OPHN1: variants seen among roughly 807,000 people sequenced by gnomAD.
The protein encoded by OPHN1 is oligophrenin-1.
Under a neutral mutation model 60.7 loss-of-function variants are expected in OPHN1, and 11 were observed. The observed-to-expected ratio is 0.18, with a 90% CI of 0.11 to 0.30. OPHN1 has a LOEUF of 0.30. OPHN1 is among the 10% of genes least tolerant of loss of function. The probability of loss-of-function intolerance (pLI) is 1.00; values close to 1 mark genes in which losing one functional copy is unlikely to be tolerated. For missense variants in OPHN1, 449 were observed against 611.0 expected (o/e 0.73, Z 2.80); for synonymous variants, 226 against 222.6 (o/e 1.02, Z -0.14).
At chrX:68,142,823 G>A (rs1391752975) in intron 15 of OPHN1, among the ~76,000 whole-genome samples, 1 of 111,929 alleles carries the variant, frequency 8.9e-6, no homozygotes, top group Non-Finnish European at 1.9e-5. Flanking sequence ...AATCTATAAA[G>A]AATAAGTGGT....
chrX:68,415,744 G>T (rs2078790703), intron 2 of OPHN1, among the ~76,000 whole-genome samples: 1 of 111,168 alleles, frequency 9.0e-6, no homozygotes, highest in African/African-American at 3.3e-5. Flanking sequence ...GCTGGGTGTG[G>T]TGGCCCATGC....
intron 11 of OPHN1, among the ~76,000 whole-genome samples, chrX:68,198,701 A>T (rs1217057337): frequency 8.9e-6 from 1 of 111,786 alleles, no homozygotes; most frequent in Admixed American, 9.5e-5. Flanking sequence ...TGATAAAAGC[A>T]ATGCCAAGAG....
chrX:68,174,463 CTTA>C (rs1186470637), intron 15 of OPHN1, among the ~76,000 whole-genome samples: 5 of 79,246 alleles, frequency 6.3e-5, no homozygotes, highest in Non-Finnish European at 9.4e-5. Flanking sequence ...AGTTTATTAA[CTTA>C]TTCTTTTTTT....
intron 4 of OPHN1, among the ~76,000 whole-genome samples, chrX:68,280,649 C>T (rs780519943): frequency 9.0e-6 from 1 of 111,515 alleles, no homozygotes; most frequent in South Asian, 3.8e-4. Flanking sequence ...AAACAGAATT[C>T]CCATCTTACC....
intron 2 of OPHN1, among the ~76,000 whole-genome samples, chrX:68,367,635 T>C (rs1181999205): frequency 9.0e-6 from 1 of 111,552 alleles, no homozygotes; most frequent in Non-Finnish European, 1.9e-5. Context: ...ATACAAATTA[T>C]TGTATACTTC....
intron 19 of OPHN1, among the ~76,000 whole-genome samples, chrX:68,093,042 A>T (rs1188927663): frequency 1.8e-5 from 2 of 110,830 alleles, no homozygotes; most frequent in Non-Finnish European, 3.8e-5. Flanking sequence ...TGACCACCAA[A>T]TGCTAGGATT....
intron 2 of OPHN1, among the ~76,000 whole-genome samples, chrX:68,309,116 C>T (rs777068469): frequency 9.0e-6 from 1 of 110,522 alleles, no homozygotes; most frequent in Non-Finnish European, 1.9e-5. Flanking sequence ...GGGTTATAGA[C>T]CCCTTTGAGA....
intron 2 of OPHN1, among the ~76,000 whole-genome samples, chrX:68,418,098 A>C (rs2078807860): frequency 8.9e-6 from 1 of 112,397 alleles, no homozygotes; most frequent in Non-Finnish European, 1.9e-5. Flanking sequence ...ATGGGTAAGA[A>C]GGAGGCAAAA....
At chrX:68,277,722 C>T (rs773839668) in intron 4 of OPHN1, among the ~76,000 whole-genome samples, 61 of 111,644 alleles carry the variant, frequency 5.5e-4, no homozygotes, top group Non-Finnish European at 1.0e-3. Flanking sequence ...ACCCAGGAGG[C>T]GGAGGTTGCA....
intron 2 of OPHN1, among the ~76,000 whole-genome samples, chrX:68,337,348 T>C (rs192800216): frequency 9.0e-6 from 1 of 111,546 alleles, no homozygotes; most frequent in East Asian, 2.8e-4. Flanking sequence ...ATAAAATATG[T>C]ATAACAATAA....
intron 3 of OPHN1, among the ~76,000 whole-genome samples, chrX:68,294,170 C>A (rs748777491): frequency 9.0e-6 from 1 of 110,529 alleles, no homozygotes; most frequent in African/African-American, 3.3e-5. Context: ...TATAAGGGAT[C>A]CTGAGAAAAG....
intron 15 of OPHN1, among the ~76,000 whole-genome samples, chrX:68,190,474 T>C (rs768512455): frequency 2.0e-4 from 22 of 112,485 alleles, no homozygotes; most frequent in Non-Finnish European, 4.1e-4. Flanking sequence ...CATCTATCAA[T>C]ATTTATATCT....
chrX:68,180,895 C>A (rs1364288118), intron 15 of OPHN1, among the ~76,000 whole-genome samples: 1 of 111,500 alleles, frequency 9.0e-6, no homozygotes, highest in African/African-American at 3.3e-5. Flanking sequence ...CAGAACATCT[C>A]TCAAATGGGT....
chrX:68,278,789 G>A (rs2078004608), intron 4 of OPHN1, among the ~76,000 whole-genome samples: 1 of 112,029 alleles, frequency 8.9e-6, no homozygotes, highest in African/African-American at 3.2e-5. Flanking sequence ...AGGAGGCTGA[G>A]GCAGGAGAAT....
At chrX:68,094,673 T>C (rs1699798862) in intron 19 of OPHN1, among the ~76,000 whole-genome samples, 1 of 111,199 alleles carries the variant, frequency 9.0e-6, no homozygotes, top group Non-Finnish European at 1.9e-5. Context: ...ACCCCCCTTC[T>C]ATCTTACCCA....
At chrX:68,054,943 C>A (rs1158399343) in intron 21 of OPHN1, among the ~76,000 whole-genome samples, 2 of 111,872 alleles carry the variant, frequency 1.8e-5, no homozygotes, top group African/African-American at 6.5e-5. Flanking sequence ...ACATATACAA[C>A]TATAAAATTT....
chrX:68,143,669 C>A (rs1196825942), intron 15 of OPHN1, among the ~76,000 whole-genome samples: 1 of 111,375 alleles, frequency 9.0e-6, no homozygotes, highest in Non-Finnish European at 1.9e-5. Flanking sequence ...CCCCAATAAA[C>A]CTGTGCCAAT....
chrX:68,281,129 T>C (rs1410219215), intron 4 of OPHN1, among the ~76,000 whole-genome samples: 1 of 112,048 alleles, frequency 8.9e-6, no homozygotes, highest in Admixed American at 9.5e-5. Context: ...AAACTGATTC[T>C]TAAGCTTATA....
chrX:68,345,681 C>A (rs2078375474), intron 2 of OPHN1, among the ~76,000 whole-genome samples: 2 of 111,590 alleles, frequency 1.8e-5, no homozygotes, highest in African/African-American at 3.3e-5. Context: ...CACGGCAAAA[C>A]CCCTTCTCTA....
Sources: gnomAD v4.1 joint callset for allele counts (sites outside exome capture counted in the v4.1 genomes callset) on GRCh38, gnomAD v4.1.1 for gene constraint, MANE v1.5 for transcripts, NCBI Gene and HGNC (gene_info 2026-07-23, HGNC 2026-07-21) for gene names.